Variants in MAP3K9 observed in about 807,000 individuals in gnomAD.
MAP3K9 encodes mixed lineage kinase 1 (tyr and ser/thr specificity).
Under a neutral mutation model 95.8 loss-of-function variants are expected in MAP3K9, and 46 were observed. The ratio of observed to expected loss-of-function variants is 0.48; its 90% CI spans 0.38 to 0.61. The LOEUF (loss-of-function observed/expected upper bound fraction) is 0.61. Ranked by LOEUF, MAP3K9 falls within the 20% of genes least tolerant of loss-of-function variation. The probability of loss-of-function intolerance (pLI) is 0.00; values close to 1 mark genes in which losing one functional copy is unlikely to be tolerated. For missense variants in MAP3K9, 1,296 were observed against 1,474.3 expected, an observed-to-expected ratio of 0.88 and a Z score of 1.98; for synonymous variants, 533 against 593.8, an observed-to-expected ratio of 0.90 and a Z score of 1.49.
Position 70,732,813 on chromosome 14 carries a change from G to A in MAP3K9, c.2556C>T (p.Ser852=), listed in dbSNP as rs770665797. ...ECNSTRSLLR[S]DSDEIVVYEM... is the part of the protein sequence containing the mutation. ...CATACACGACAATTTCATCGCTGTC[G>A]GAGCGCAGCAGGGAGCGTGTGGAGT... Residue 852 remains serine (S), a synonymous_variant, in exon 11 of 12, where the codon TCC becomes TCT. Coordinates refer to ENST00000554752, the MANE Select transcript of MAP3K9 (RefSeq NM_001284230.2). 29 of 1,613,962 alleles carry A rather than the reference G, an allele frequency of 1.8e-5. No individual in the cohort carries two copies. Among genetic ancestry groups the A allele is most frequent in the Admixed American group, 8.3e-5 (5 of 59,994 alleles).
intron 2 of MAP3K9, among the ~76,000 whole-genome samples, chr14:70,792,149 G>A (rs767675203): frequency 9.9e-5 from 15 of 152,164 alleles, no homozygotes; most frequent in African/African-American, 2.2e-4. Context: ...CATAGGAAAC[G>A]CTACCCATCA....
intron 2 of MAP3K9, among the ~76,000 whole-genome samples, chr14:70,799,933 A>G (rs1811815791): frequency 6.6e-6 from 1 of 152,196 alleles, no homozygotes; most frequent in South Asian, 2.1e-4. Flanking sequence ...CTACCACAGA[A>G]AAGAAGCGTA....
chr14:70,788,586 C>T (rs1017117448), intron 2 of MAP3K9, among the ~76,000 whole-genome samples: 1 of 152,142 alleles, frequency 6.6e-6, no homozygotes, highest in Non-Finnish European at 1.5e-5. Flanking sequence ...ATGGGCTCAT[C>T]CCCAAAAGAA....
At chr14:70,746,790 G>C (rs150345423) in intron 5 of MAP3K9, among the ~76,000 whole-genome samples, 114 of 152,266 alleles carry the variant, frequency 7.5e-4, no homozygotes, top group African/African-American at 2.6e-3. Context: ...ACTACTTACT[G>C]ACAAAATCCA....
At chr14:70,789,586 C>T (rs952696726) in intron 2 of MAP3K9, among the ~76,000 whole-genome samples, 1 of 152,182 alleles carries the variant, frequency 6.6e-6, no homozygotes, top group Non-Finnish European at 1.5e-5. Flanking sequence ...AAGAGGTTGG[C>T]CACGTGCCCA....
intron 3 of MAP3K9, among the ~76,000 whole-genome samples, chr14:70,759,570 A>T (rs1201509370): frequency 1.3e-5 from 2 of 152,198 alleles, no homozygotes; most frequent in Non-Finnish European, 2.9e-5. Context: ...TATCTTCACT[A>T]GAGTCTCTGG....
chr14:70,784,254 G>A (rs1157032059), intron 2 of MAP3K9, among the ~76,000 whole-genome samples: 1 of 151,890 alleles, frequency 6.6e-6, no homozygotes, highest in Non-Finnish European at 1.5e-5. Flanking sequence ...CTGCACTCCA[G>A]CCTGGGAAAC....
At chr14:70,735,364 CTCTT>C (rs1028125104) in intron 9 of MAP3K9, among the ~76,000 whole-genome samples, 5 of 106,058 alleles carry the variant, frequency 4.7e-5, no homozygotes, top group Non-Finnish European at 8.0e-5. Flanking sequence ...ACCAGAGTGG[CTCTT>C]TTTTTTTTTT....
At chr14:70,798,971 T>C (rs1466184031) in intron 2 of MAP3K9, among the ~76,000 whole-genome samples, 3 of 152,206 alleles carry the variant, frequency 2.0e-5, no homozygotes, top group Non-Finnish European at 2.9e-5. Flanking sequence ...AAGGAGTTTT[T>C]CTATTATTAA....
chr14:70,786,723 T>C (rs1375976204), intron 2 of MAP3K9, among the ~76,000 whole-genome samples: 1 of 152,186 alleles, frequency 6.6e-6, no homozygotes, highest in Non-Finnish European at 1.5e-5. Context: ...AGGATGACCT[T>C]AGGCAAGTCA....
Position 70,809,240 on chromosome 14 carries a change from C to G in MAP3K9, c.-69G>C. 1 of 1,283,322 alleles carries G rather than the reference C, an allele frequency of 7.8e-7. No individual in the cohort carries two copies. Among genetic ancestry groups the G allele is most frequent in the East Asian group, 3.1e-5 (1 of 31,782 alleles). 79.5% of individuals were successfully genotyped at this position (1,283,322 alleles called of 1,614,324 possible). A position where few individuals can be genotyped will look rare whatever the true frequency, so the allele number is the denominator to read the frequency against. The stretch of plus-strand genomic sequence containing the variant: ...GAGCCGCCGCCGCCTATTGTTCATG[C>G]GCCTCCGCAGAGCTGGGAGGACCCC... On this transcript the variant is annotated 5_prime_UTR_variant, in exon 1 of 12. Transcript: ENST00000554752.
intron 11 of MAP3K9, 131 bp downstream of exon 11, chr14:70,732,408 T>C: frequency 1.5e-6 from 2 of 1,357,626 alleles, no homozygotes; most frequent in South Asian, 2.0e-5. Flanking sequence ...GATCTGTATT[T>C]CTTGATTGGC....
intron 2 of MAP3K9, among the ~76,000 whole-genome samples, chr14:70,772,296 T>C (rs943713431): frequency 1.3e-5 from 2 of 152,082 alleles, no homozygotes; most frequent in Admixed American, 6.5e-5. Context: ...GTGGAGAGAA[T>C]TGGCTCCTTG....
In MAP3K9 at chr14:70,800,763, G is replaced by C. The variant is rs1442420564; in HGVS notation, c.724C>G (p.Leu242Val). 1 of 1,614,170 alleles carries C rather than the reference G, an allele frequency of 6.2e-7. No homozygotes were observed. Among genetic ancestry groups the C allele is most frequent in the Non-Finnish European group, 8.5e-7 (1 of 1,180,036 alleles). The change falls in exon 2 of 12, where the codon CTG becomes GTG. Residue 242 changes from leucine (L) to valine (V), a missense_variant. Physicochemically the swap from Leu to Val is conservative, Grantham distance 32. Around this residue, in one of 5 missense-constraint regions of MAP3K9, gnomAD observed 338 missense variants for 363.4 expected, o/e 0.93. Coordinates refer to ENST00000554752, the MANE Select transcript of MAP3K9 (RefSeq NM_001284230.2). ...LSGKRIPPDI[L>V]VNWAVQIARG... ...GCAATCTGCACAGCCCAATTCACCAGGATGTCTGGGGGAATCCTTTTCCCA... is the reference window on the plus strand; with the variant it reads ...GCAATCTGCACAGCCCAATTCACCACGATGTCTGGGGGAATCCTTTTCCCA...
intron 2 of MAP3K9, among the ~76,000 whole-genome samples, chr14:70,767,140 T>G (rs979983168): frequency 6.6e-6 from 1 of 151,924 alleles, no homozygotes; most frequent in South Asian, 2.1e-4. Context: ...TCTCAGCACT[T>G]TAGGAGGCTG....
In MAP3K9 at chr14:70,746,029, A is replaced by G. The variant is rs746663991; in HGVS notation, c.1326+2800T>C. 5.3e-5 allele frequency among the ~76,000 whole-genome samples: 8 copies of G among 152,306 alleles called. No individual in the cohort carries two copies. In the South Asian group the frequency reaches 6.2e-4, roughly 12 times the overall value. On this transcript the variant is annotated intron_variant, in intron 5 of 11. Transcript: ENST00000554752. ...TCCAAATCCTTTGTTTCTCTGTCCT[A>G]TGACTTTGTTTTCATTACCAAGAGA...
At chr14:70,786,107 T>G (rs1056472116) in intron 2 of MAP3K9, among the ~76,000 whole-genome samples, 1 of 152,182 alleles carries the variant, frequency 6.6e-6, no homozygotes, top group Admixed American at 6.5e-5. Context: ...GAAGCTTATG[T>G]GGGAAAATTT....
At chr14:70,770,137 T>G (rs1361966854) in intron 2 of MAP3K9, among the ~76,000 whole-genome samples, 1 of 152,082 alleles carries the variant, frequency 6.6e-6, no homozygotes, top group Non-Finnish European at 1.5e-5. Flanking sequence ...CACCTGGTGG[T>G]AGGGGTCAAG....
chr14:70,762,662 C>A (rs1168814078), intron 2 of MAP3K9, among the ~76,000 whole-genome samples: 1 of 152,218 alleles, frequency 6.6e-6, no homozygotes, highest in African/African-American at 2.4e-5. Context: ...TTATCAGATA[C>A]ATGACTTGCA....
Sources: allele counts gnomAD v4.1 joint callset (sites outside exome capture counted in the v4.1 genomes callset), GRCh38; gene constraint gnomAD v4.1.1; regional missense constraint gnomAD v4.1.1; transcripts MANE v1.5; gene names NCBI Gene and HGNC (gene_info 2026-07-23, HGNC 2026-07-21).